The following IMMP2L variants were observed in gnomAD, a reference collection of about 807,000 sequenced individuals.
IMMP2L encodes the protein inner mitochondrial membrane peptidase subunit 2, also known as mitochondrial inner membrane protease subunit 2.
A neutral mutation model predicts 19.3 loss-of-function variants in IMMP2L; 18 were observed. The observed-to-expected ratio is 0.93, with a 90% confidence interval of 0.64 to 1.38. The LOEUF is 1.38. Ranked by LOEUF, IMMP2L falls within the 40% of genes most tolerant of loss-of-function variation. IMMP2L has a pLI of 0.00. For missense variants in IMMP2L, 233 were observed against 218.2 expected, an observed-to-expected ratio of 1.07 and a Z score of -0.43; for synonymous variants, 76 against 73.0, an observed-to-expected ratio of 1.04 and a Z score of -0.21.
chr7:111,402,411 T>A (rs551442974), intron 3 of IMMP2L, among the ~76,000 whole-genome samples: 34 of 152,036 alleles, frequency 2.2e-4, no homozygotes, highest in African/African-American at 8.0e-4. Context: ...CTCAAAAACC[T>A]TAAAAGCTTT....
chr7:110,739,882 T>A (rs1380744150), intron 5 of IMMP2L, among the ~76,000 whole-genome samples: 1 of 152,076 alleles, frequency 6.6e-6, no homozygotes, highest in Admixed American at 6.6e-5. Context: ...CACAGTGGAA[T>A]AACATTGGAA....
chr7:111,200,255 A>G (rs1206640882), intron 3 of IMMP2L, among the ~76,000 whole-genome samples: 1 of 152,094 alleles, frequency 6.6e-6, no homozygotes, highest in African/African-American at 2.4e-5. Flanking sequence ...GATTCATGAT[A>G]TTGTCTTTTC....
chr7:110,974,124 G>C (rs1033082657), intron 3 of IMMP2L, among the ~76,000 whole-genome samples: 1 of 152,034 alleles, frequency 6.6e-6, no homozygotes. Flanking sequence ...ATCTTTAACT[G>C]GTCTTAAATG....
At chr7:110,897,135 A>G (rs1024351286) in intron 4 of IMMP2L, among the ~76,000 whole-genome samples, 3 of 152,168 alleles carry the variant, frequency 2.0e-5, no homozygotes, top group African/African-American at 7.2e-5. Flanking sequence ...AAGTAAGATT[A>G]AAAAGCAAAA....
chr7:111,482,222 G>C (rs144786407), intron 3 of IMMP2L, among the ~76,000 whole-genome samples: 1 of 152,190 alleles, frequency 6.6e-6, no homozygotes, highest in African/African-American at 2.4e-5. Flanking sequence ...TTCAAATTCT[G>C]GCCTTGCTTT....
chr7:110,912,430 G>T (rs976917129), intron 4 of IMMP2L, among the ~76,000 whole-genome samples: 3 of 152,016 alleles, frequency 2.0e-5, no homozygotes, highest in African/African-American at 7.2e-5. Context: ...TAGTTAAATT[G>T]TGGTGATAAT....
At chr7:110,756,683 T>G (rs57440034) in intron 5 of IMMP2L, among the ~76,000 whole-genome samples, 10,696 of 152,212 alleles carry the variant, frequency 0.07, 454 homozygotes, top group African/African-American at 0.11. Flanking sequence ...TGCGTACATT[T>G]CTATTCTACA....
chr7:110,958,458 A>G (rs767875357), intron 4 of IMMP2L, among the ~76,000 whole-genome samples: 1 of 152,042 alleles, frequency 6.6e-6, no homozygotes, highest in Admixed American at 6.6e-5. Flanking sequence ...AAAGAAGTTG[A>G]TTTTTCCCAG....
At chr7:110,954,701 T>C (rs933773311) in intron 4 of IMMP2L, among the ~76,000 whole-genome samples, 2 of 151,494 alleles carry the variant, frequency 1.3e-5, no homozygotes, top group African/African-American at 2.4e-5. Flanking sequence ...CAGTTTGAGT[T>C]CATAGTTTGT....
intron 3 of IMMP2L, among the ~76,000 whole-genome samples, chr7:110,992,901 C>T (rs1391460718): frequency 6.6e-6 from 1 of 152,110 alleles, no homozygotes; most frequent in East Asian, 1.9e-4. Flanking sequence ...CTTGGCTTGA[C>T]TCCAAGTACA....
chr7:111,374,020 G>A (rs749814324), intron 3 of IMMP2L, among the ~76,000 whole-genome samples: 16 of 151,146 alleles, frequency 1.1e-4, no homozygotes, highest in Admixed American at 4.6e-4. Context: ...GGTTTGCTCT[G>A]ACCCTTCCCA....
At chr7:111,349,233 A>G (rs1179155800) in intron 3 of IMMP2L, among the ~76,000 whole-genome samples, 1 of 152,202 alleles carries the variant, frequency 6.6e-6, no homozygotes, top group Non-Finnish European at 1.5e-5. Flanking sequence ...AACAAATTAA[A>G]TAAAATTATG....
intron 4 of IMMP2L, among the ~76,000 whole-genome samples, chr7:110,945,433 C>T (rs1817156807): frequency 6.6e-6 from 1 of 151,844 alleles, no homozygotes; most frequent in African/African-American, 2.4e-5. Flanking sequence ...ACCCACCTCG[C>T]TTGCTTCTTG....
At chr7:111,528,508 C>T (rs1847097113) in intron 1 of IMMP2L, among the ~76,000 whole-genome samples, 1 of 152,142 alleles carries the variant, frequency 6.6e-6, no homozygotes, top group Non-Finnish European at 1.5e-5. Flanking sequence ...ACCATATTTG[C>T]CACCTGGCAT....
chr7:111,118,852 T>C (rs925637562), intron 3 of IMMP2L, among the ~76,000 whole-genome samples: 1 of 152,188 alleles, frequency 6.6e-6, no homozygotes, highest in African/African-American at 2.4e-5. Flanking sequence ...AAACAACATT[T>C]GAATATGCTC....
intron 5 of IMMP2L, among the ~76,000 whole-genome samples, chr7:110,723,154 A>C (rs995433659): frequency 6.6e-6 from 1 of 152,208 alleles, no homozygotes; most frequent in Non-Finnish European, 1.5e-5. Flanking sequence ...ATCAAGCTAT[A>C]GTCTAAAACT....
chr7:110,859,735 G>C (rs1807181399), intron 5 of IMMP2L, among the ~76,000 whole-genome samples: 1 of 149,998 alleles, frequency 6.7e-6, no homozygotes, highest in African/African-American at 2.5e-5. Context: ...GGGTGACAGA[G>C]TGAGACCCTG....
At chr7:111,235,532 C>T (rs1814198978) in intron 3 of IMMP2L, among the ~76,000 whole-genome samples, 1 of 151,426 alleles carries the variant, frequency 6.6e-6, no homozygotes, top group Non-Finnish European at 1.5e-5. Flanking sequence ...AAATGTTATT[C>T]TACTGCCTCT....
Position 110,727,148 on chromosome 7 carries a change from G to A in IMMP2L, c.409-63427C>T, listed in dbSNP as rs1795937398. Among the ~76,000 whole-genome samples, 1 of 152,214 alleles carries A rather than the reference G, an allele frequency of 6.6e-6. No individual in the cohort carries two copies. The highest frequency in any genetic ancestry group is 2.1e-4 in the South Asian group (1 of 4,836). ...CACGCCTATAATTCCAGAACTTTGA[G>A]AGGCTGAGGTGGGTGGATCACCTGA... On this transcript the variant is annotated intron_variant, in intron 5 of 5. Transcript: ENST00000405709. The surrounding 1 kb of genome is among the most constrained non-coding windows in gnomAD (Gnocchi z 4.3).
Sources: allele counts gnomAD v4.1 joint callset (sites outside exome capture counted in the v4.1 genomes callset), GRCh38; gene constraint gnomAD v4.1.1; non-coding constraint Gnocchi (gnomAD v3.1); transcripts MANE v1.5; gene names NCBI Gene and HGNC (gene_info 2026-07-23, HGNC 2026-07-21).